YEATS2: variants seen among roughly 807,000 people sequenced by gnomAD.
The protein encoded by YEATS2 is YEATS domain-containing protein 2.
In YEATS2, 77 loss-of-function variants were observed where a neutral mutation model predicts 163.2. The ratio of observed to expected loss-of-function variants is 0.47; its 90% confidence interval spans 0.39 to 0.57. YEATS2 has a LOEUF of 0.57. YEATS2 is among the 20% of genes least tolerant of loss of function. The pLI, the probability that YEATS2 is intolerant of heterozygous loss-of-function variation, is 0.00. For missense variants in YEATS2, 1,549 were observed against 1,729.8 expected (o/e 0.90, Z 1.85); for synonymous variants, 631 against 645.1 (o/e 0.98, Z 0.33).
chr3:183,802,501 G>GTATACA (rs1560334960), intron 25 of YEATS2: 7 of 141,284 alleles, frequency 5.0e-5, no homozygotes, highest in East Asian at 2.2e-4. Context: ...GTGTGTGTGT[G>GTATACA]TGTGTGTGTA....
intron 19 of YEATS2, among the ~76,000 whole-genome samples, chr3:183,781,659 A>G (rs1723573972): frequency 6.6e-6 from 1 of 152,190 alleles, no homozygotes; most frequent in Admixed American, 6.5e-5. Flanking sequence ...TTTTAGCCCC[A>G]CATCCTTAAA....
At chr3:183,699,013 A>G (rs945467899) in intron 1 of YEATS2, among the ~76,000 whole-genome samples, 2 of 152,122 alleles carry the variant, frequency 1.3e-5, no homozygotes, top group African/African-American at 4.8e-5. Context: ...AGGTTTTGAG[A>G]AGGCGAGTAG....
intron 6 of YEATS2, among the ~76,000 whole-genome samples, chr3:183,727,638 A>G (rs546148758): frequency 2.0e-3 from 297 of 152,296 alleles, no homozygotes; most frequent in African/African-American, 6.6e-3. Context: ...AGGCCTGACT[A>G]TATTTTCTAC....
chr3:183,769,927 C>T (rs1314603120), intron 15 of YEATS2, among the ~76,000 whole-genome samples: 11 of 151,248 alleles, frequency 7.3e-5, no homozygotes, highest in Non-Finnish European at 1.5e-5. Context: ...CCTTGTGATC[C>T]GCCCGCCTCA....
intron 19 of YEATS2, among the ~76,000 whole-genome samples, chr3:183,785,054 A>G (rs923760916): frequency 1.3e-5 from 2 of 150,232 alleles, no homozygotes; most frequent in Non-Finnish European, 3.0e-5. Context: ...GTCTGAGCAA[A>G]AGAGCAAAAC....
Position 183,760,313 on chromosome 3 carries a change from ATTTTTTTT to A in YEATS2, c.1657-1176_1657-1169del, listed in dbSNP as rs11417378. ...TTGAGAATTAAAGAGAAACTACAGA[ATTTTTTTT>A]TTTTTTTTTTTTTTTTTGAGACAGA... On this transcript the variant is annotated intron_variant, in intron 13 of 30. Coordinates refer to ENST00000305135, the MANE Select transcript of YEATS2 (RefSeq NM_018023.5). 2.7e-5 allele frequency among the ~76,000 whole-genome samples: 3 copies of A among 110,308 alleles called. No individual in the cohort carries two copies. The South Asian group carries it at 8.9e-4, about 33-fold the overall frequency. The allele number at this position is 110,308 out of a possible 152,430, so 72.4% of individuals were successfully genotyped here. A position where few individuals can be genotyped will look rare whatever the true frequency, so the allele number is the denominator to read the frequency against.
At chr3:183,776,349 A>G (rs1194261829) in intron 18 of YEATS2, among the ~76,000 whole-genome samples, 1 of 151,716 alleles carries the variant, frequency 6.6e-6, no homozygotes, top group African/African-American at 2.4e-5. Flanking sequence ...TTCGAGACCA[A>G]CCTGGGCAAC....
At chr3:183,699,905 G>T (rs1266712049) in intron 1 of YEATS2, among the ~76,000 whole-genome samples, 3 of 152,176 alleles carry the variant, frequency 2.0e-5, no homozygotes, top group African/African-American at 7.2e-5. Context: ...CATAGTTCTG[G>T]AAGTGGGAGG....
At chr3:183,784,604 T>G (rs1159264418) in intron 19 of YEATS2, among the ~76,000 whole-genome samples, 1 of 152,118 alleles carries the variant, frequency 6.6e-6, no homozygotes, top group Admixed American at 6.5e-5. Context: ...TTTAGTTTAA[T>G]TAGGTCCCAC....
chr3:183,708,971 C>A (rs1465331044), intron 1 of YEATS2, among the ~76,000 whole-genome samples: 1 of 151,870 alleles, frequency 6.6e-6, no homozygotes, highest in Non-Finnish European at 1.5e-5. Flanking sequence ...ACCAGCCTGG[C>A]CAACATAGTG....
intron 11 of YEATS2, among the ~76,000 whole-genome samples, chr3:183,755,741 CTTTTTTTTTTTTTTT>C (rs57050296): frequency 8.5e-5 from 7 of 82,218 alleles, no homozygotes; most frequent in Non-Finnish European, 1.3e-4. Context: ...TCCTTCCTTT[CTTTTTTTTTTTTTTT>C]TTTTTTTTTT....
intron 13 of YEATS2, among the ~76,000 whole-genome samples, chr3:183,760,310 A>G (rs1721202901): frequency 7.1e-6 from 1 of 141,686 alleles, no homozygotes; most frequent in African/African-American, 2.7e-5. Flanking sequence ...GAGAAACTAC[A>G]GAATTTTTTT....
Position 183,717,687 on chromosome 3 carries a change from T to G in YEATS2, c.137T>G (p.Ile46Ser), listed in dbSNP as rs1479021380. ...DAAVQKIETIIKEQFALEMKN... is the reference protein window; with the variant it reads ...DAAVQKIETISKEQFALEMKN... The stretch of plus-strand genomic sequence containing the variant: ...GCTGTGCAGAAGATTGAGACTATTA[T>G]CAAAGAACAGTTTGCTCTTGAAATG... The change falls in exon 3 of 31, where the codon ATC becomes AGC. Residue 46 changes from isoleucine (I) to serine (S), a missense_variant. Physicochemically the swap from Ile to Ser is moderately radical, Grantham distance 142. Coordinates refer to ENST00000305135, the MANE Select transcript of YEATS2 (RefSeq NM_018023.5). 1 of 1,569,858 alleles carries G rather than the reference T, an allele frequency of 6.4e-7. No individual in the cohort carries two copies. The highest frequency in any genetic ancestry group is 8.6e-7 in the Non-Finnish European group (1 of 1,164,698).
intron 24 of YEATS2, 68 bp from the exon 25 acceptor site, chr3:183,801,387 T>A (rs1423289544): frequency 1.4e-5 from 15 of 1,083,818 alleles, no homozygotes; most frequent in Non-Finnish European, 1.8e-5. Flanking sequence ...GTACATGGCA[T>A]ATATATGGCT....
intron 10 of YEATS2, among the ~76,000 whole-genome samples, chr3:183,752,986 T>C (rs2109295061): frequency 6.6e-6 from 1 of 151,842 alleles, no homozygotes; most frequent in East Asian, 2.0e-4. Flanking sequence ...TTAGTAGAGA[T>C]GGGTTTTCAC....
chr3:183,756,737 TTA>T, intron 12 of YEATS2, 48 bp downstream of exon 12: 1 of 1,325,120 alleles, frequency 7.5e-7, no homozygotes, highest in Non-Finnish European at 9.8e-7. Flanking sequence ...TTGATCTTTA[TTA>T]AAAATGTAAT....
intron 1 of YEATS2, among the ~76,000 whole-genome samples, chr3:183,712,992 C>A (rs1055760601): frequency 6.6e-6 from 1 of 152,036 alleles, no homozygotes; most frequent in African/African-American, 2.4e-5. Flanking sequence ...AACCCCTGAC[C>A]TCTAATGATC....
rs748099694 is a variant in YEATS2, at chr3:183,812,526, G to T, written c.*1943G>T. ...TCTTTTTGCAAAAGAAATATTAAAT[G>T]ATTTAGCAGTCTCCACGTGTGTTAA... On this transcript the variant is annotated 3_prime_UTR_variant, in exon 31 of 31. Transcript: ENST00000305135. 2.6e-5 allele frequency: 4 copies of T among 152,652 alleles called. No individual in the cohort carries two copies. The highest frequency in any genetic ancestry group is 4.8e-5 in the African/African-American group (2 of 41,448). The allele number at this position is 152,652 out of a possible 1,614,324, so 9.5% of individuals were successfully genotyped here. A position where few individuals can be genotyped will look rare whatever the true frequency, so the allele number is the denominator to read the frequency against.
At chr3:183,705,694 T>TAGTAGTTATGTTCCC (rs1183894746) in intron 1 of YEATS2, among the ~76,000 whole-genome samples, 9 of 151,840 alleles carry the variant, frequency 5.9e-5, no homozygotes, top group Non-Finnish European at 1.3e-4. Flanking sequence ...TAATGTAAGG[T>TAGTAGTTATGTTCCC]AGTAGTTATG....
Sources: gnomAD v4.1 joint callset for allele counts (sites outside exome capture counted in the v4.1 genomes callset) on GRCh38, gnomAD v4.1.1 for gene constraint, MANE v1.5 for transcripts, NCBI Gene and HGNC (gene_info 2026-07-23, HGNC 2026-07-21) for gene names.